The following CDH23 variants were observed in gnomAD, a reference collection of about 807,000 sequenced individuals.
The protein encoded by CDH23 is cadherin-23.
Under a neutral mutation model 317.1 loss-of-function variants are expected in CDH23, and 189 were observed. That is an observed-to-expected ratio of 0.60 (90% CI 0.53 to 0.67). The LOEUF is 0.67. Ranked by LOEUF, CDH23 falls within the 30% of genes least tolerant of loss-of-function variation. The pLI, the probability that CDH23 is intolerant of heterozygous loss-of-function variation, is 0.00. For synonymous variants in CDH23, 1,839 were observed against 1,876.8 expected, an observed-to-expected ratio of 0.98 and a Z score of 0.52; for missense variants, 4,401 against 4,592.4, an observed-to-expected ratio of 0.96 and a Z score of 1.20.
chr10:71,729,016 G>A (rs1483481007), intron 30 of CDH23, among the ~76,000 whole-genome samples: 3 of 151,322 alleles, frequency 2.0e-5, no homozygotes, highest in Admixed American at 6.6e-5. Context: ...TGTAATTTTT[G>A]TAGAGACAGA....
At chr10:71,733,882 C>G (rs1839472510) in intron 32 of CDH23, among the ~76,000 whole-genome samples, 1 of 152,198 alleles carries the variant, frequency 6.6e-6, no homozygotes, top group African/African-American at 2.4e-5. Flanking sequence ...CAAATGGACA[C>G]AAAGATGAAC....
At chr10:71,500,779 CTTT>C (rs1853255158) in intron 3 of CDH23, among the ~76,000 whole-genome samples, 1 of 147,004 alleles carries the variant, frequency 6.8e-6, no homozygotes, top group African/African-American at 2.6e-5. Flanking sequence ...CTTTTCTTTT[CTTT>C]TCTTTTCTTT....
chr10:71,666,442 C>A (rs1197096445), intron 14 of CDH23, among the ~76,000 whole-genome samples: 1 of 152,156 alleles, frequency 6.6e-6, no homozygotes, highest in Non-Finnish European at 1.5e-5. Context: ...CATGGCCACC[C>A]CCAGGAATGC....
At chr10:71,706,186 C>T (rs922440833) in intron 25 of CDH23, among the ~76,000 whole-genome samples, 57 of 152,332 alleles carry the variant, frequency 3.7e-4, no homozygotes, top group African/African-American at 1.3e-3. Context: ...GTGGGGATCA[C>T]TTCGCTATGA....
intron 30 of CDH23, among the ~76,000 whole-genome samples, chr10:71,729,865 C>T (rs1225800514): frequency 2.0e-5 from 3 of 151,338 alleles, no homozygotes; most frequent in South Asian, 2.1e-4. Context: ...GATGGAGTCT[C>T]GCTCTGTTGC....
At chr10:71,563,025 T>G (rs1857209959) in intron 6 of CDH23, among the ~76,000 whole-genome samples, 2 of 152,164 alleles carry the variant, frequency 1.3e-5, no homozygotes, top group South Asian at 4.1e-4. Flanking sequence ...ACCCATCACC[T>G]AGAGCAGAGC....
intron 20 of CDH23, 21 bp downstream of exon 20, chr10:71,690,605 T>C (rs1865153427): frequency 2.0e-6 from 3 of 1,523,494 alleles, no homozygotes; most frequent in South Asian, 1.2e-5. Flanking sequence ...CCACCCCAAG[T>C]ACCCTGGTCC....
intron 1 of CDH23, among the ~76,000 whole-genome samples, chr10:71,420,037 T>C (rs1191435497): frequency 1.3e-5 from 2 of 152,008 alleles, no homozygotes; most frequent in Admixed American, 1.3e-4. Flanking sequence ...TCAGGAAGGG[T>C]TTATTGAGCC....
intron 6 of CDH23, among the ~76,000 whole-genome samples, chr10:71,537,913 C>G (rs2132279124): frequency 6.6e-6 from 1 of 152,320 alleles, no homozygotes; most frequent in East Asian, 1.9e-4. Context: ...ACTCACTCGG[C>G]TGGTATAGAG....
At chr10:71,601,782 CA>C (rs1421935913) in intron 9 of CDH23, among the ~76,000 whole-genome samples, 1 of 152,220 alleles carries the variant, frequency 6.6e-6, no homozygotes, top group Non-Finnish European at 1.5e-5. Context: ...GCTACTGAAA[CA>C]AAGACATTTG....
intron 30 of CDH23, among the ~76,000 whole-genome samples, chr10:71,728,402 C>T (rs998120838): frequency 6.6e-6 from 1 of 152,108 alleles, no homozygotes; most frequent in Non-Finnish European, 1.5e-5. Context: ...ACCCATATGC[C>T]TCTCTGCCCC....
intron 6 of CDH23, among the ~76,000 whole-genome samples, chr10:71,556,546 A>G (rs1420534435): frequency 6.6e-6 from 1 of 151,704 alleles, no homozygotes; most frequent in African/African-American, 2.4e-5. Context: ...GGTTCATGCC[A>G]TTGCAGTCCA....
intron 9 of CDH23, among the ~76,000 whole-genome samples, chr10:71,583,714 C>T (rs10823792): frequency 6.6e-5 from 10 of 152,182 alleles, no homozygotes; most frequent in East Asian, 1.9e-4. Flanking sequence ...CCCCGAGTGA[C>T]GGGAGGAGAA....
chr10:71,814,119 C>G (rs1004325471), intron 69 of CDH23, among the ~76,000 whole-genome samples: 1 of 152,224 alleles, frequency 6.6e-6, no homozygotes, highest in African/African-American at 2.4e-5. Flanking sequence ...CCTATTTATC[C>G]TCTGCAGCTT....
intron 29 of CDH23, 135 bp downstream of exon 29, chr10:71,724,240 G>A (rs1230889309): frequency 3.5e-6 from 3 of 848,264 alleles, no homozygotes; most frequent in Non-Finnish European, 5.7e-6. Context: ...AGGCCAGAGG[G>A]AGGAAACAGG....
At chr10:71,460,800 T>C (rs7902794) in intron 3 of CDH23, among the ~76,000 whole-genome samples, 52,909 of 152,152 alleles carry the variant, frequency 0.35, 11,452 homozygotes, top group East Asian at 0.48. Flanking sequence ...GGGGCGGTAG[T>C]GGCCAGCTGG....
chr10:71,633,125 C>G (rs1230188279), intron 11 of CDH23, among the ~76,000 whole-genome samples: 1 of 152,096 alleles, frequency 6.6e-6, no homozygotes, highest in Non-Finnish European at 1.5e-5. Context: ...CATTAATCCA[C>G]TAATCCATGA....
At chr10:71,502,715 G>A (rs1011903485) in intron 3 of CDH23, among the ~76,000 whole-genome samples, 2 of 152,202 alleles carry the variant, frequency 1.3e-5, no homozygotes, top group Admixed American at 6.5e-5. Context: ...TAAGGAATTC[G>A]TTTTCATTCT....
rs12252065 is a variant in CDH23, at chr10:71,784,048, G to A, written c.5369-239G>A. On this transcript the variant is annotated intron_variant, in intron 41 of 69. Transcript: ENST00000224721. ...GGAAGCTGCTTGGTCTGGCACATGA[G>A]GGCATGAGTGGCCCGTGTCCGCCTG... 0.012 allele frequency among the ~76,000 whole-genome samples: 1,837 copies of A among 152,286 alleles called. 41 individuals are homozygous for A. The highest frequency in any genetic ancestry group is 0.042 in the African/African-American group (1,759 of 41,566).
Sources: gnomAD v4.1 joint callset for allele counts (sites outside exome capture counted in the v4.1 genomes callset) on GRCh38, gnomAD v4.1.1 for gene constraint, MANE v1.5 for transcripts, NCBI Gene and HGNC (gene_info 2026-07-23, HGNC 2026-07-21) for gene names.